CUEDC2: variants seen among roughly 807,000 people sequenced by gnomAD.
CUEDC2 encodes CUE domain-containing protein 2.
In CUEDC2, 10 loss-of-function variants were observed where a neutral mutation model predicts 36.0. That is an observed-to-expected ratio of 0.28 (90% CI 0.17 to 0.47). The LOEUF (loss-of-function observed/expected upper bound fraction) is 0.47. Ranked by LOEUF, CUEDC2 falls within the 20% of genes least tolerant of loss-of-function variation. CUEDC2 has a pLI of 0.99. For missense variants in CUEDC2, 269 were observed against 368.1 expected (o/e 0.73, Z 2.20); for synonymous variants, 133 against 141.8 (o/e 0.94, Z 0.44).
intron 1 of CUEDC2, among the ~76,000 whole-genome samples, chr10:102,431,929 G>A (rs1213026140): frequency 6.6e-6 from 1 of 152,134 alleles, no homozygotes; most frequent in African/African-American, 2.4e-5. Flanking sequence ...TTAAAGTGGA[G>A]GGAGAGCAGG....
At chr10:102,429,309 C>T (rs1000473105) in intron 1 of CUEDC2, among the ~76,000 whole-genome samples, 2 of 152,082 alleles carry the variant, frequency 1.3e-5, no homozygotes, top group Non-Finnish European at 2.9e-5. Flanking sequence ...ACTCAATAAA[C>T]AGTTGAACCC....
intron 1 of CUEDC2, among the ~76,000 whole-genome samples, chr10:102,431,264 T>G (rs978449047): frequency 1.3e-5 from 2 of 152,206 alleles, no homozygotes; most frequent in African/African-American, 4.8e-5. Flanking sequence ...CTCAGCCTCC[T>G]GAGTAGCTGG....
In CUEDC2 at chr10:102,424,356, C is replaced by A; in HGVS notation, c.319G>T (p.Val107Leu). 6.2e-7 allele frequency: 1 copy of A among 1,614,084 alleles called. No individual in the cohort carries two copies. ...TGCAGGGGCTCTGGGGAGATGGGCA[C>A]CTGACCTTGGACACCAGAGCTCTGC... ...QPQSSGVQGQ[V>L]PISPEPLQRP... is the part of the protein sequence containing the mutation. Residue 107 changes from valine to leucine, a missense_variant, in exon 5 of 9, where the codon GTG becomes TTG. Transcript: ENST00000369937. The surrounding 1 kb of genome is among the most constrained non-coding windows in gnomAD (Gnocchi z 4.2).
chr10:102,425,145 A>G lies in CUEDC2; in HGVS notation c.44T>C (p.Val15Ala), dbSNP rs1171984613. The change falls in exon 2 of 9, where the codon GTC becomes GCC. Residue 15 changes from valine to alanine, a missense_variant. Physicochemically the swap from Val to Ala is moderately conservative, Grantham distance 64. Transcript: ENST00000369937. The part of the protein sequence containing the change: ...RIVSAALLAF[V>A]QTHLPEADLS... ...GTCGGCCTCCGGGAGGTGTGTCTGG[A>G]CAAAGGCAAGGAGGGCTGCACTGAC... 6.2e-7 allele frequency: 1 copy of G among 1,613,906 alleles called. No homozygotes were observed. Among genetic ancestry groups the G allele is most frequent in the Non-Finnish European group, 8.5e-7 (1 of 1,179,948 alleles).
In CUEDC2 at chr10:102,423,500, G is replaced by T; in HGVS notation, c.790C>A (p.Arg264=). ...TTCATCTCCTCGGCCTCAGGGTTCC[G>T]CACATCTTTGAATCGCTCCCCTTTG... ...STKGERFKDV[R]NPEAEEMKAT... The change falls in exon 9 of 9, where the codon CGG becomes AGG. Residue 264 remains arginine (R), a synonymous_variant. Transcript: ENST00000369937. The surrounding 1 kb of genome is among the most constrained non-coding windows in gnomAD (Gnocchi z 5.6). 1 of 1,614,184 alleles carries T rather than the reference G, an allele frequency of 6.2e-7. No homozygotes were observed.
In CUEDC2 at chr10:102,423,666, A is replaced by C. The variant is rs754073677; in HGVS notation, c.708T>G (p.Ala236=). ...CCCTTAACTCTCTCACCTCCTTGGG[A>C]GCCATGGGCCGGTGAATCTTCTGAT... The part of the protein sequence containing the change: ...AEDQKIHRPM[A]PKEAPKKLIR... The change falls in exon 8 of 9, where the codon GCT becomes GCG. Residue 236 remains alanine (A), a synonymous_variant. Coordinates refer to ENST00000369937, the MANE Select transcript of CUEDC2 (RefSeq NM_024040.3). The surrounding 1 kb of genome is among the most constrained non-coding windows in gnomAD (Gnocchi z 5.6). 5 of 1,614,156 alleles carry C rather than the reference A, an allele frequency of 3.1e-6. No individual in the cohort carries two copies. Among genetic ancestry groups the C allele is most frequent in the Non-Finnish European group, 4.2e-6 (5 of 1,180,020 alleles).
chr10:102,426,380 A>G (rs1022635067), intron 1 of CUEDC2, among the ~76,000 whole-genome samples: 1 of 151,946 alleles, frequency 6.6e-6, no homozygotes, highest in Non-Finnish European at 1.5e-5. Flanking sequence ...AGTTCCACGC[A>G]CCTCACACTC....
intron 1 of CUEDC2, among the ~76,000 whole-genome samples, chr10:102,431,260 C>T (rs1416992121): frequency 2.0e-5 from 3 of 152,338 alleles, no homozygotes; most frequent in Non-Finnish European, 4.4e-5. Flanking sequence ...CTGCCTCAGC[C>T]TCCTGAGTAG....
At position 102,424,211 on chromosome 10, in the gene CUEDC2, T is replaced by TC. The variant is rs776329913; in HGVS notation, c.412-34dup. 5 of 1,610,516 alleles carry TC rather than the reference T, an allele frequency of 3.1e-6. No homozygotes were observed. The highest frequency in any genetic ancestry group is 1.1e-5 in the South Asian group (1 of 90,788). ...TACAAACGTTAACAAGAGGCAATACTCCCCCCTTTCCAGCCCCCTGGGTCC... is the reference window on the plus strand; with the variant it reads ...TACAAACGTTAACAAGAGGCAATACTCCCCCCCTTTCCAGCCCCCTGGGTCC... On this transcript the variant is annotated intron_variant, in intron 5 of 8. Coordinates refer to ENST00000369937, the MANE Select transcript of CUEDC2 (RefSeq NM_024040.3). This position sits in a 1 kb window ranked among gnomAD's most constrained non-coding sequence, Gnocchi z 4.2.
At chr10:102,429,174 C>T (rs911975751) in intron 1 of CUEDC2, among the ~76,000 whole-genome samples, 1 of 152,156 alleles carries the variant, frequency 6.6e-6, no homozygotes, top group Non-Finnish European at 1.5e-5. Context: ...ACTAGCAGCA[C>T]CTTTCACAGC....
At chr10:102,432,098 A>G (rs546971044) in intron 1 of CUEDC2, among the ~76,000 whole-genome samples, 1 of 152,290 alleles carries the variant, frequency 6.6e-6, no homozygotes, top group South Asian at 2.1e-4. Context: ...CAGGCCCCAG[A>G]GGATATCATT....
intron 1 of CUEDC2, among the ~76,000 whole-genome samples, chr10:102,430,966 T>G (rs1310736205): frequency 6.6e-6 from 1 of 152,206 alleles, no homozygotes; most frequent in Admixed American, 6.5e-5. Context: ...AATGTGACTG[T>G]CATCCTGTCA....
At chr10:102,431,067 T>G (rs937198653) in intron 1 of CUEDC2, among the ~76,000 whole-genome samples, 1 of 152,270 alleles carries the variant, frequency 6.6e-6, no homozygotes, top group African/African-American at 2.4e-5. Context: ...TTACATGTAT[T>G]AACTTACCTA....
chr10:102,425,206 GAC>G lies in CUEDC2; in HGVS notation c.-10-10_-10-9del. ...AGCTCCATGCTCTCTCTTCTGAAGG[GAC>G]ACAGACAGGATGGCCAGGCCTTCTT... On this transcript the variant is annotated splice_polypyrimidine_tract_variant and intron_variant, in intron 1 of 8. Coordinates refer to ENST00000369937, the MANE Select transcript of CUEDC2 (RefSeq NM_024040.3). 1 of 1,609,452 alleles carries G rather than the reference GAC, an allele frequency of 6.2e-7. No homozygotes were observed. The highest frequency in any genetic ancestry group is 1.1e-5 in the South Asian group (1 of 90,990).
In CUEDC2 at chr10:102,424,636, A is replaced by C. The variant is rs1020593235; in HGVS notation, c.218+13T>G. On this transcript the variant is annotated intron_variant, in intron 3 of 8. Transcript: ENST00000369937. The surrounding 1 kb of genome is among the most constrained non-coding windows in gnomAD (Gnocchi z 4.2). ...CCAGCCCCTTCCTCCTCCTGGCCCT[A>C]GCCAGAACCTACCTGGGGATGTGGG... 4 of 1,614,042 alleles carry C rather than the reference A, an allele frequency of 2.5e-6. No individual in the cohort carries two copies. Among genetic ancestry groups the C allele is most frequent in the Non-Finnish European group, 3.4e-6 (4 of 1,180,008 alleles).
At chr10:102,431,516 C>G (rs2061616656) in intron 1 of CUEDC2, among the ~76,000 whole-genome samples, 2 of 152,160 alleles carry the variant, frequency 1.3e-5, no homozygotes, top group African/African-American at 4.8e-5. Flanking sequence ...GGTCACAAGG[C>G]AAGTTAATGG....
intron 1 of CUEDC2, among the ~76,000 whole-genome samples, chr10:102,428,934 A>G (rs1400376307): frequency 6.6e-6 from 1 of 151,886 alleles, no homozygotes; most frequent in African/African-American, 2.4e-5. Context: ...AGGCAGGAGA[A>G]TGACATGAAC....
chr10:102,426,701 G>A (rs1031926707), intron 1 of CUEDC2, among the ~76,000 whole-genome samples: 21 of 151,440 alleles, frequency 1.4e-4, no homozygotes, highest in Non-Finnish European at 4.4e-5. Flanking sequence ...GTATGATCTC[G>A]GCTCACTGCA....
Position 102,423,967 on chromosome 10 carries a change from A to G in CUEDC2, c.594+29T>C, listed in dbSNP as rs1224164290. ...ACCAAGGTGGAATGTAGCTGAGGCT[A>G]CATGGTAGAGGGTGCTGGGAAAAGA... is the stretch of plus-strand genomic sequence containing the variant. On this transcript the variant is annotated intron_variant, in intron 6 of 8. Transcript: ENST00000369937. This position sits in a 1 kb window ranked among gnomAD's most constrained non-coding sequence, Gnocchi z 5.6. The G allele has an allele frequency of 1.2e-6, 2 of 1,610,432 alleles. No homozygotes were observed. Among genetic ancestry groups the G allele is most frequent in the South Asian group, 1.1e-5 (1 of 90,704 alleles).
Sources: allele counts gnomAD v4.1 joint callset (sites outside exome capture counted in the v4.1 genomes callset), GRCh38; gene constraint gnomAD v4.1.1; non-coding constraint Gnocchi (gnomAD v3.1); transcripts MANE v1.5; gene names NCBI Gene and HGNC (gene_info 2026-07-23, HGNC 2026-07-21).